The following DDX60L variants were observed in gnomAD, a reference collection of about 807,000 sequenced individuals.
DDX60L encodes DExD/H-box 60 like.
Under a neutral mutation model 211.6 loss-of-function variants are expected in DDX60L, and 191 were observed. The observed-to-expected ratio is 0.90, with a 90% CI of 0.80 to 1.02. The LOEUF is 1.02. Ranked by LOEUF, DDX60L falls within the 50% of genes least tolerant of loss-of-function variation. The pLI, the probability that DDX60L is intolerant of heterozygous loss-of-function variation, is 0.00. For synonymous variants in DDX60L, 706 were observed against 694.1 expected, an observed-to-expected ratio of 1.02 and a Z score of -0.27; for missense variants, 2,007 against 1,984.1, an observed-to-expected ratio of 1.01 and a Z score of -0.22.
At chr4:168,419,144 A>T (rs1441169628) in intron 19 of DDX60L, among the ~76,000 whole-genome samples, 158 bp downstream of exon 19, 1 of 152,232 alleles carries the variant, frequency 6.6e-6, no homozygotes, top group Non-Finnish European at 1.5e-5. Flanking sequence ...CTTTTCTAAA[A>T]ATTGTACTAA....
At chr4:168,432,231 ATATATATATATTGTGTGTGTGTGT>A (rs1752458884) in intron 12 of DDX60L, among the ~76,000 whole-genome samples, 200 bp downstream of exon 12, 1 of 147,188 alleles carries the variant, frequency 6.8e-6, no homozygotes, top group East Asian at 1.9e-4. Flanking sequence ...CAATTAATAT[ATATATATATATTGTGTGTGTGTGT>A]GTATATATAT....
intron 37 of DDX60L, among the ~76,000 whole-genome samples, chr4:168,360,847 A>G (rs2634929): frequency 0.72 from 109,978 of 152,200 alleles, 40,789 homozygotes; most frequent in East Asian, 0.85. Context: ...TATAGTGAGA[A>G]TATAGCGAGG....
intron 25 of DDX60L, 36 bp downstream of exon 25, chr4:168,403,946 A>C: frequency 7.5e-7 from 1 of 1,331,548 alleles, no homozygotes; most frequent in Non-Finnish European, 1.0e-6. Context: ...AAATTCTCAC[A>C]TATAAACAAA....
intron 18 of DDX60L, among the ~76,000 whole-genome samples, chr4:168,419,613 TTTG>T (rs553817678): frequency 2.0e-5 from 3 of 152,200 alleles, no homozygotes; most frequent in Non-Finnish European, 2.9e-5. Context: ...TGTTTTACAT[TTTG>T]TTTAGTCTTA....
chr4:168,431,705 T>C (rs1004392142), intron 12 of DDX60L, among the ~76,000 whole-genome samples: 12 of 151,590 alleles, frequency 7.9e-5, no homozygotes, highest in African/African-American at 2.9e-4. Flanking sequence ...AGTATAATAA[T>C]AATAAAATAA....
At chr4:168,421,972 A>G in intron 16 of DDX60L, 63 bp from the exon 17 acceptor site, 1 of 1,602,792 alleles carries the variant, frequency 6.2e-7, no homozygotes, top group Non-Finnish European at 8.5e-7. Context: ...AAACACAGAC[A>G]GTATCCTTTG....
At chr4:168,388,767 T>C (rs1247181348) in intron 29 of DDX60L, among the ~76,000 whole-genome samples, 1 of 152,118 alleles carries the variant, frequency 6.6e-6, no homozygotes, top group East Asian at 1.9e-4. Context: ...AGGCAAGACT[T>C]GAGCCAGGCC....
intron 8 of DDX60L, among the ~76,000 whole-genome samples, chr4:168,450,550 C>T (rs1755668573): frequency 6.6e-6 from 1 of 151,948 alleles, no homozygotes. Context: ...TTATTTTATA[C>T]CCATCCACTC....
At chr4:168,471,555 A>G in intron 4 of DDX60L, 192 bp downstream of exon 4, 1 of 443,870 alleles carries the variant, frequency 2.3e-6, no homozygotes, top group Non-Finnish European at 3.8e-6. Context: ...AGGGAAAAAA[A>G]TTTAATAAAA....
chr4:168,395,470 A>T lies in DDX60L; in HGVS notation c.3657+489T>A, dbSNP rs1745605950. ...CTCTCTGAGCTGTGACATTATTTTTATTTTCTATTTTCAAGTACTTCTGCA... is the reference window on the plus strand; with the variant it reads ...CTCTCTGAGCTGTGACATTATTTTTTTTTTCTATTTTCAAGTACTTCTGCA... On this transcript the variant is annotated intron_variant, in intron 27 of 37. Coordinates refer to ENST00000682922, the MANE Select transcript of DDX60L (RefSeq NM_001012967.3). Among the ~76,000 whole-genome samples the T allele has an allele frequency of 2.0e-5, 3 of 152,154 alleles. No homozygotes were observed. The South Asian group carries it at 6.2e-4, about 31-fold the overall frequency.
At chr4:168,420,467 C>G in intron 17 of DDX60L, 87 bp from the exon 18 acceptor site, 3 of 5,028 alleles carry the variant, frequency 6.0e-4, no homozygotes, top group Non-Finnish European at 8.4e-4. Context: ...TACACATACA[C>G]ACACACACAC....
rs1738387320 is a variant in DDX60L at position 168,357,718 on chromosome 4, T to C, written c.*429A>G. 2 of 158,980 alleles carry C rather than the reference T, an allele frequency of 1.3e-5. No individual in the cohort carries two copies. The highest frequency in any genetic ancestry group is 2.8e-5 in the Non-Finnish European group (2 of 72,674). 9.8% of individuals were successfully genotyped at this position (158,980 alleles called of 1,614,324 possible). ...GAAGTCTTCTTACATAACTAAATTG[T>C]TGTTCAGAATTGATTTGGGTCCTTT... On this transcript the variant is annotated 3_prime_UTR_variant, in exon 38 of 38. Coordinates refer to ENST00000682922, the MANE Select transcript of DDX60L (RefSeq NM_001012967.3).
intron 9 of DDX60L, among the ~76,000 whole-genome samples, chr4:168,448,338 T>C (rs1416129088): frequency 6.6e-6 from 1 of 152,174 alleles, no homozygotes; most frequent in Non-Finnish European, 1.5e-5. Context: ...TATCCTTAAA[T>C]GTTCAAAAAT....
Position 168,357,628 on chromosome 4 carries a change from TA to T in DDX60L, c.*518del, listed in dbSNP as rs1464668779. The T allele has an allele frequency of 1.9e-5, 3 of 154,648 alleles. No homozygotes were observed. The highest frequency in any genetic ancestry group is 4.3e-5 in the Non-Finnish European group (3 of 69,928). The allele number at this position is 154,648 out of a possible 1,614,324, so 9.6% of individuals were successfully genotyped here. A position where few individuals can be genotyped will look rare whatever the true frequency, so the allele number is the denominator to read the frequency against. On this transcript the variant is annotated 3_prime_UTR_variant, in exon 38 of 38. Transcript: ENST00000682922. ...ATCACATTGAGGGTTAGAATTTCAATATAAAAATTTTGGAGGGGAGGGCACA... is the reference window on the plus strand; with the variant it reads ...ATCACATTGAGGGTTAGAATTTCAATTAAAAATTTTGGAGGGGAGGGCACA...
intron 11 of DDX60L, 127 bp downstream of exon 11, chr4:168,432,883 T>C: frequency 1.8e-6 from 1 of 549,588 alleles, no homozygotes; most frequent in South Asian, 3.3e-5. Context: ...AAATGTATTA[T>C]AGTCACATTA....
chr4:168,438,020 C>T (rs185129309), intron 10 of DDX60L, among the ~76,000 whole-genome samples: 31 of 152,176 alleles, frequency 2.0e-4, no homozygotes, highest in African/African-American at 6.3e-4. Context: ...ATTACAGGCA[C>T]ATGCCACCAT....
At position 168,471,493 on chromosome 4, in the gene DDX60L, C is replaced by T. The variant is rs138576590; in HGVS notation, c.264+254G>A. 89 of 294,384 alleles carry T rather than the reference C, an allele frequency of 3.0e-4. No individual in the cohort carries two copies. In the East Asian group the frequency reaches 4.6e-3, roughly 15 times the overall value. 18.2% of individuals were successfully genotyped at this position (294,384 alleles called of 1,614,324 possible). A position where few individuals can be genotyped will look rare whatever the true frequency, so the allele number is the denominator to read the frequency against. ...GAGTAAACCTACCCAATATACCCCT[C>T]AGCCCAGGCTCTGTGCCTGATCTAT... On this transcript the variant is annotated intron_variant, in intron 4 of 37. Coordinates refer to ENST00000682922, the MANE Select transcript of DDX60L (RefSeq NM_001012967.3).
intron 4 of DDX60L, among the ~76,000 whole-genome samples, chr4:168,471,173 A>T (rs896272104): frequency 6.6e-6 from 1 of 152,266 alleles, no homozygotes; most frequent in African/African-American, 2.4e-5. Context: ...AATGGCATGT[A>T]TGATGAAGTG....
rs367591524 is a variant in DDX60L at position 168,416,676 on chromosome 4, A to G, written c.2726+6T>C. 78 of 1,558,548 alleles carry G rather than the reference A, an allele frequency of 5.0e-5. No homozygotes were observed. In the African/African-American group the frequency reaches 9.8e-4, roughly 19 times the overall value. On this transcript the variant is annotated splice_donor_region_variant and intron_variant, in intron 20 of 37. Transcript: ENST00000682922. Reference sequence around the variant, plus strand: ...TATAACAACCACTCTTTTTACCTATACCTACTTGGTGAGAAGATTTGGGTT... The same window carrying G: ...TATAACAACCACTCTTTTTACCTATGCCTACTTGGTGAGAAGATTTGGGTT...
Sources: gnomAD v4.1 joint callset for allele counts (sites outside exome capture counted in the v4.1 genomes callset) on GRCh38, gnomAD v4.1.1 for gene constraint, MANE v1.5 for transcripts, NCBI Gene and HGNC (gene_info 2026-07-23, HGNC 2026-07-21) for gene names.